RALGAPA1: variants seen among roughly 807,000 people sequenced by gnomAD.
RALGAPA1 encodes the protein ral GTPase-activating protein subunit alpha-1.
Under a neutral mutation model 269.6 loss-of-function variants are expected in RALGAPA1, and 52 were observed. The observed-to-expected ratio is 0.19, with a 90% CI of 0.15 to 0.24. The LOEUF is 0.24. Among genes scored for constraint, RALGAPA1 ranks in the 10% least tolerant of loss-of-function variants. The pLI is 1.00. For synonymous variants in RALGAPA1, 817 were observed against 1,008.3 expected (o/e 0.81, Z 3.60); for missense variants, 1,917 against 3,013.9 (o/e 0.64, Z 8.52).
chr14:35,634,590 G>C lies in RALGAPA1; in HGVS notation c.5979C>G (p.Leu1993=). 6.2e-7 allele frequency: 1 copy of C among 1,611,314 alleles called. No individual in the cohort carries two copies. Among genetic ancestry groups the C allele is most frequent in the African/African-American group, 1.3e-5 (1 of 74,852 alleles). The change falls in exon 33 of 42, where the codon CTC becomes CTG. Residue 1993 remains leucine (L), a synonymous_variant. Transcript: ENST00000680220. ...TCATGTTACCTTCTGTTACTGGCTGGAGTTTAGAAGATCGTTCTGAGTCAG... is the reference window on the plus strand; with the variant it reads ...TCATGTTACCTTCTGTTACTGGCTGCAGTTTAGAAGATCGTTCTGAGTCAG... ...HSPDSERSSK[L]QPVTEVKTQM...
chr14:35,682,125 C>T (rs575385918), intron 21 of RALGAPA1, among the ~76,000 whole-genome samples: 4 of 152,100 alleles, frequency 2.6e-5, no homozygotes, highest in East Asian at 1.9e-4. Flanking sequence ...TGATCTTTTG[C>T]GTACAACTGT....
chr14:35,620,054 G>A (rs2060512194), intron 35 of RALGAPA1, among the ~76,000 whole-genome samples: 1 of 152,002 alleles, frequency 6.6e-6, no homozygotes. Flanking sequence ...TCAAAGCCTG[G>A]CAGACACAAC....
At chr14:35,743,839 A>T (rs956410078) in intron 10 of RALGAPA1, among the ~76,000 whole-genome samples, 3 of 152,210 alleles carry the variant, frequency 2.0e-5, no homozygotes, top group African/African-American at 7.2e-5. Context: ...TTTAACAATA[A>T]GGCAAAATTT....
chr14:35,688,656 C>T lies in RALGAPA1; in HGVS notation c.3755G>A (p.Arg1252His), dbSNP rs972065935. 7.9e-6 allele frequency: 12 copies of T among 1,516,018 alleles called. No individual in the cohort carries two copies. Among genetic ancestry groups the T allele is most frequent in the East Asian group, 2.5e-5 (1 of 40,800 alleles). 93.9% of individuals were successfully genotyped at this position (1,516,018 alleles called of 1,614,324 possible). A position where few individuals can be genotyped will look rare whatever the true frequency, so the allele number is the denominator to read the frequency against. Reference sequence around the variant, plus strand: ...ATGACTTGATGACCTAAGAGTACTACGACTACCTAATTGACTACTTGCAAT... The same window carrying T: ...ATGACTTGATGACCTAAGAGTACTATGACTACCTAATTGACTACTTGCAAT... ...EGIASSQLGS[R>H]STLRSSSHEA... Residue 1252 changes from arginine to histidine, a missense_variant, in exon 18 of 42, where the codon CGT (arginine) becomes CAT (histidine). By Grantham distance (29) the Arg-to-His change is conservative (BLOSUM62 0). Transcript: ENST00000680220.
chr14:35,748,720 A>G lies in RALGAPA1; in HGVS notation c.1116T>C (p.Thr372=). The change falls in exon 10 of 42, where the codon ACT becomes ACC. Residue 372 remains threonine (T), a synonymous_variant. Transcript: ENST00000680220. ...EPEQSHSNTS[T]LTEREPSSSS... ...ATGAGCTAGGTTCTCGCTCCGTGAG[A>G]GTGCTTGTATTGGAATGAGACTGTT... 2 of 1,613,034 alleles carry G rather than the reference A, an allele frequency of 1.2e-6. No individual in the cohort carries two copies. Among genetic ancestry groups the G allele is most frequent in the Non-Finnish European group, 1.7e-6 (2 of 1,179,728 alleles).
At chr14:35,693,281 G>T (rs1268660328) in intron 17 of RALGAPA1, among the ~76,000 whole-genome samples, 1 of 151,462 alleles carries the variant, frequency 6.6e-6, no homozygotes, top group East Asian at 1.9e-4. Context: ...TCTCTATAAA[G>T]ATAAGAATGT....
chr14:35,582,089 G>A (rs2057986060), intron 37 of RALGAPA1, among the ~76,000 whole-genome samples: 1 of 152,142 alleles, frequency 6.6e-6, no homozygotes, highest in African/African-American at 2.4e-5. Flanking sequence ...CAACATGAAT[G>A]GATCTTGAAA....
Position 35,688,441 on chromosome 14 carries a change from C to A in RALGAPA1, c.3952+18G>T. 3 of 1,536,076 alleles carry A rather than the reference C, an allele frequency of 2.0e-6. No homozygotes were observed. Among genetic ancestry groups the A allele is most frequent in the Non-Finnish European group, 2.6e-6 (3 of 1,146,860 alleles). ...GCTGTCTTTCTCCTTTTGCGCTCTG[C>A]ACACTGTTAGTGCTCACCTGCAGCT... On this transcript the variant is annotated intron_variant, in intron 18 of 41. Transcript: ENST00000680220.
At chr14:35,572,131 G>T (rs1232223369) in intron 38 of RALGAPA1, among the ~76,000 whole-genome samples, 2 of 151,864 alleles carry the variant, frequency 1.3e-5, no homozygotes, top group Non-Finnish European at 2.9e-5. Context: ...TTTTCAATTT[G>T]TAGAATCCTC....
intron 39 of RALGAPA1, among the ~76,000 whole-genome samples, chr14:35,556,332 G>A (rs1320703790): frequency 1.3e-5 from 2 of 152,104 alleles, no homozygotes; most frequent in Admixed American, 6.6e-5. Flanking sequence ...TAAGATGAAA[G>A]CAAACTATAC....
At chr14:35,793,595 A>AACACAC (rs33911524) in intron 1 of RALGAPA1, among the ~76,000 whole-genome samples, 3,142 of 150,202 alleles carry the variant, frequency 0.021, 103 homozygotes, top group African/African-American at 0.072. Flanking sequence ...TACACACACA[A>AACACAC]ACACACACAC....
At chr14:35,709,110 G>A (rs1198101104) in intron 16 of RALGAPA1, among the ~76,000 whole-genome samples, 3 of 152,028 alleles carry the variant, frequency 2.0e-5, no homozygotes, top group Non-Finnish European at 2.9e-5. Flanking sequence ...AGTGCAGATG[G>A]TTAATGGGTA....
intron 41 of RALGAPA1, among the ~76,000 whole-genome samples, chr14:35,540,889 A>G (rs946941884): frequency 3.3e-5 from 5 of 152,186 alleles, no homozygotes; most frequent in Admixed American, 3.3e-4. Context: ...CTAGGAAATA[A>G]TTATGCTAGC....
At chr14:35,684,765 A>T (rs1403186212) in intron 20 of RALGAPA1, among the ~76,000 whole-genome samples, 164 bp downstream of exon 20, 2 of 152,168 alleles carry the variant, frequency 1.3e-5, no homozygotes, top group Admixed American at 1.3e-4. Context: ...AGACTAGCCC[A>T]GACAACATAG....
chr14:35,599,866 GT>G (rs1202989449), intron 36 of RALGAPA1, among the ~76,000 whole-genome samples: 2 of 152,100 alleles, frequency 1.3e-5, no homozygotes, highest in Admixed American at 6.6e-5. Context: ...CTCTTTAATA[GT>G]TTCCCCCCAC....
chr14:35,704,984 A>C (rs1001135571), intron 16 of RALGAPA1, among the ~76,000 whole-genome samples: 1 of 152,158 alleles, frequency 6.6e-6, no homozygotes, highest in African/African-American at 2.4e-5. Context: ...TTTCTATTCC[A>C]AAAAATACAT....
intron 35 of RALGAPA1, among the ~76,000 whole-genome samples, chr14:35,606,490 T>C (rs189477069): frequency 6.6e-6 from 1 of 152,336 alleles, no homozygotes; most frequent in East Asian, 1.9e-4. Flanking sequence ...TGGTCCATTG[T>C]TGATGAAAGC....
intron 31 of RALGAPA1, 46 bp from the exon 32 acceptor site, chr14:35,635,644 A>G: frequency 7.0e-7 from 1 of 1,435,816 alleles, no homozygotes; most frequent in Non-Finnish European, 9.2e-7. Context: ...CATAAAATAT[A>G]TGCTTCTTAA....
At chr14:35,731,367 G>A (rs550214424) in intron 12 of RALGAPA1, among the ~76,000 whole-genome samples, 3 of 152,144 alleles carry the variant, frequency 2.0e-5, no homozygotes, top group African/African-American at 7.2e-5. Context: ...ACGAGCAATG[G>A]ATCCAAACCA....
Sources: allele counts gnomAD v4.1 joint callset (sites outside exome capture counted in the v4.1 genomes callset), GRCh38; gene constraint gnomAD v4.1.1; transcripts MANE v1.5; gene names NCBI Gene and HGNC (gene_info 2026-07-23, HGNC 2026-07-21).